The following MAP7 variants were observed in gnomAD, a reference collection of about 807,000 sequenced individuals.
The protein encoded by MAP7 is ensconsin.
A neutral mutation model predicts 94.8 loss-of-function variants in MAP7; 52 were observed. That is an observed-to-expected ratio of 0.55 (90% CI 0.44 to 0.69). The LOEUF is 0.69. Among genes scored for constraint, MAP7 ranks in the 30% least tolerant of loss-of-function variants. The pLI, the probability that MAP7 is intolerant of heterozygous loss-of-function variation, is 0.00. For missense variants in MAP7, 940 were observed against 964.6 expected (o/e 0.97, Z 0.34); for synonymous variants, 350 against 357.0 (o/e 0.98, Z 0.22).
chr6:136,361,662 C>T (rs2128566479), intron 11 of MAP7, among the ~76,000 whole-genome samples: 1 of 152,336 alleles, frequency 6.6e-6, no homozygotes, highest in Non-Finnish European at 1.5e-5. Context: ...TGAGATCCTT[C>T]CCCAGGGTAC....
At position 136,520,084 on chromosome 6, in the gene MAP7, T is replaced by C. The variant is rs569774310; in HGVS notation, c.67+30258A>G. 4.6e-5 allele frequency among the ~76,000 whole-genome samples: 7 copies of C among 151,756 alleles called. No homozygotes were observed. The South Asian group carries it at 1.5e-3, about 32-fold the overall frequency. ...CAAGTGTGGTGGTATGCACCTCTAG[T>C]TGCAAGCTACTTGGAAGGCTGAGGA... On this transcript the variant is annotated intron_variant, in intron 1 of 17. Transcript: ENST00000354570.
At chr6:136,358,373 T>C (rs1361967641) in intron 15 of MAP7, among the ~76,000 whole-genome samples, 1 of 152,216 alleles carries the variant, frequency 6.6e-6, no homozygotes, top group African/African-American at 2.4e-5. Flanking sequence ...CTGGGTACTA[T>C]GCCTACTTAC....
At chr6:136,344,593 G>A (rs945935321) in intron 17 of MAP7, among the ~76,000 whole-genome samples, 1 of 152,124 alleles carries the variant, frequency 6.6e-6, no homozygotes, top group African/African-American at 2.4e-5. Flanking sequence ...AATAAATGTT[G>A]ATAAATCATC....
intron 1 of MAP7, among the ~76,000 whole-genome samples, chr6:136,432,876 T>C (rs865830625): frequency 3.3e-5 from 5 of 152,182 alleles, no homozygotes; most frequent in African/African-American, 9.6e-5. Context: ...AGGTAGCCCA[T>C]TTATTCTTTT....
intron 1 of MAP7, among the ~76,000 whole-genome samples, chr6:136,481,765 T>C (rs1237548446): frequency 6.6e-6 from 1 of 152,172 alleles, no homozygotes. Context: ...AGAGTATAAC[T>C]GGATTGTTTG....
rs532778046 is a variant in MAP7 at position 136,443,818 on chromosome 6, T to G, written c.68-22019A>C. Among the ~76,000 whole-genome samples the G allele has an allele frequency of 6.6e-5, 10 of 152,280 alleles. No homozygotes were observed. The South Asian group carries it at 8.3e-4, about 13-fold the overall frequency. ...TTATGTGGCTTATTGTTAAGGGGGC[T>G]AAAACCTCTGAAGTGTCACTAAAGA... On this transcript the variant is annotated intron_variant, in intron 1 of 17. Coordinates refer to ENST00000354570, the MANE Select transcript of MAP7 (RefSeq NM_003980.6).
intron 1 of MAP7, among the ~76,000 whole-genome samples, chr6:136,488,444 CTTTT>C (rs1262255093): frequency 1.2e-4 from 16 of 133,390 alleles, no homozygotes; most frequent in South Asian, 4.7e-4. Context: ...ATGCTAGGTA[CTTTT>C]TTTTTTTTTT....
intron 7 of MAP7, among the ~76,000 whole-genome samples, chr6:136,373,683 A>C (rs1440264676): frequency 6.6e-6 from 1 of 152,182 alleles, no homozygotes; most frequent in Admixed American, 6.5e-5. Flanking sequence ...AAGTATAGAG[A>C]ATACTATGTA....
intron 1 of MAP7, among the ~76,000 whole-genome samples, chr6:136,541,360 A>G (rs1829301169): frequency 6.6e-6 from 1 of 152,196 alleles, no homozygotes; most frequent in Non-Finnish European, 1.5e-5. Context: ...GTGTTGGGGA[A>G]ATGAGTTTTA....
chr6:136,524,039 G>C (rs1272750416), intron 1 of MAP7, among the ~76,000 whole-genome samples: 1 of 151,990 alleles, frequency 6.6e-6, no homozygotes, highest in Non-Finnish European at 1.5e-5. Flanking sequence ...AGGAGTTTGA[G>C]ACCAGCCTGG....
intron 1 of MAP7, among the ~76,000 whole-genome samples, chr6:136,509,416 A>AT (rs56069303): frequency 2.0e-5 from 3 of 151,764 alleles, no homozygotes; most frequent in Non-Finnish European, 4.4e-5. Context: ...GAAGCTACTT[A>AT]TTTTTTTAAG....
At chr6:136,456,611 G>A (rs971206533) in intron 1 of MAP7, among the ~76,000 whole-genome samples, 2 of 151,660 alleles carry the variant, frequency 1.3e-5, no homozygotes, top group African/African-American at 4.9e-5. Flanking sequence ...GATCAAGGCT[G>A]CAGTGGTCCA....
At position 136,365,958 on chromosome 6, in the gene MAP7, T is replaced by C; in HGVS notation, c.1050A>G (p.Pro350=). The stretch of plus-strand genomic sequence containing the variant: ...CAGGAGCAGCTTTGACTGAGCCGGG[T>C]GGCAAGGAGGATGTCGGTCTGGGTG... ...PGTPRPTSSL[P]PGSVKAAPAQ... is the part of the protein sequence containing the mutation. The change falls in exon 10 of 18, where the codon CCA becomes CCG. Residue 350 remains proline, a synonymous_variant. Transcript: ENST00000354570. 1 of 1,613,636 alleles carries C rather than the reference T, an allele frequency of 6.2e-7. No individual in the cohort carries two copies. The highest frequency in any genetic ancestry group is 1.7e-5 in the Admixed American group (1 of 59,992).
chr6:136,359,671 G>A (rs1791968041), intron 15 of MAP7, 149 bp downstream of exon 15: 1 of 704,292 alleles, frequency 1.4e-6, no homozygotes, highest in African/African-American at 1.8e-5. Flanking sequence ...TAAGAGGAAG[G>A]AAGGACTCGA....
At chr6:136,536,173 T>G (rs1399879437) in intron 1 of MAP7, among the ~76,000 whole-genome samples, 1 of 152,192 alleles carries the variant, frequency 6.6e-6, no homozygotes, top group Non-Finnish European at 1.5e-5. Flanking sequence ...CATCAATAAT[T>G]TTTTTAAAAA....
At chr6:136,456,771 GAAGAAGAAGAAGAAGAAGAA>G (rs1803105281) in intron 1 of MAP7, among the ~76,000 whole-genome samples, 1 of 62,752 alleles carries the variant, frequency 1.6e-5, no homozygotes, top group Admixed American at 1.8e-4. Flanking sequence ...GGAGGAGGAA[GAAGAAGAAGAAGAAGAAGAA>G]GAAGAAGAAG....
intron 1 of MAP7, among the ~76,000 whole-genome samples, chr6:136,513,499 G>C (rs919279599): frequency 1.3e-5 from 2 of 152,168 alleles, no homozygotes; most frequent in Non-Finnish European, 2.9e-5. Flanking sequence ...TCTAATTCTA[G>C]TTCTCTTGCC....
intron 3 of MAP7, among the ~76,000 whole-genome samples, chr6:136,393,017 TAA>T (rs1218108550): frequency 5.3e-5 from 8 of 152,216 alleles, no homozygotes; most frequent in Non-Finnish European, 1.0e-4. Context: ...ATTTGTAAAA[TAA>T]GAGTTAATTC....
intron 1 of MAP7, 60 bp from the exon 2 acceptor site, chr6:136,421,859 CATTTA>C (rs1791480636): frequency 1.5e-6 from 2 of 1,316,648 alleles, no homozygotes; most frequent in African/African-American, 3.0e-5. Context: ...TCTTCAGAAA[CATTTA>C]AGTATTCGAC....
Sources: gnomAD v4.1 joint callset for allele counts (sites outside exome capture counted in the v4.1 genomes callset) on GRCh38, gnomAD v4.1.1 for gene constraint, MANE v1.5 for transcripts, NCBI Gene and HGNC (gene_info 2026-07-23, HGNC 2026-07-21) for gene names.